Variants in ADAMTS6 observed in about 807,000 individuals in gnomAD.
ADAMTS6 encodes A disintegrin and metalloproteinase with thrombospondin motifs 6.
In ADAMTS6, 23 loss-of-function variants were observed where a neutral mutation model predicts 144.3. The observed-to-expected ratio is 0.16, with a 90% CI of 0.11 to 0.23. The LOEUF (loss-of-function observed/expected upper bound fraction) is 0.23, where lower values mean the gene tolerates loss of function less well. Among genes scored for constraint, ADAMTS6 ranks in the 10% least tolerant of loss-of-function variants. The pLI, the probability that ADAMTS6 is intolerant of heterozygous loss-of-function variation, is 1.00. For synonymous variants in ADAMTS6, 444 were observed against 457.5 expected, an observed-to-expected ratio of 0.97 and a Z score of 0.38; for missense variants, 999 against 1,379.6, an observed-to-expected ratio of 0.72 and a Z score of 4.37.
intron 7 of ADAMTS6, among the ~76,000 whole-genome samples, chr5:65,335,264 G>C (rs558659482): frequency 2.0e-5 from 3 of 152,080 alleles, no homozygotes; most frequent in South Asian, 4.2e-4. Flanking sequence ...TTTTCCTCTT[G>C]CATAAACTTC....
intron 11 of ADAMTS6, among the ~76,000 whole-genome samples, chr5:65,288,379 GCAC>G (rs1741924141): frequency 1.3e-5 from 2 of 150,518 alleles, no homozygotes; most frequent in African/African-American, 4.9e-5. Flanking sequence ...GAGTGCAGTG[GCAC>G]TATCTCGGCT....
chr5:65,328,127 C>T (rs1056299556), intron 9 of ADAMTS6, among the ~76,000 whole-genome samples: 11 of 151,956 alleles, frequency 7.2e-5, no homozygotes, highest in Non-Finnish European at 1.5e-4. Context: ...TGAATCAAGC[C>T]GGGTTTGAAA....
rs912112572 is a variant in ADAMTS6 at position 65,277,957 on chromosome 5, A to C, written c.1513-4510T>G. 9.9e-5 allele frequency among the ~76,000 whole-genome samples: 15 copies of C among 152,200 alleles called. No individual in the cohort carries two copies. The East Asian group carries it at 2.1e-3, about 22-fold the overall frequency. ...CACCTGAGTAGTGTACACTGTAACT[A>C]ATATGTAGTTTACCTCTAGACCCCT... is the stretch of plus-strand genomic sequence containing the variant. On this transcript the variant is annotated intron_variant, in intron 11 of 24. Coordinates refer to ENST00000381055, the MANE Select transcript of ADAMTS6 (RefSeq NM_197941.4).
At position 65,315,814 on chromosome 5, in the gene ADAMTS6, G is replaced by A. The variant is rs140079744; in HGVS notation, c.1223+13564C>T. On this transcript the variant is annotated intron_variant, in intron 9 of 24. Coordinates refer to ENST00000381055, the MANE Select transcript of ADAMTS6 (RefSeq NM_197941.4). Reference sequence around the variant, plus strand: ...AAGAAGAAGAAAAAAAATTCTTAGTGTGTATGCACCTAACAACCAAGTGTA... The same window carrying A: ...AAGAAGAAGAAAAAAAATTCTTAGTATGTATGCACCTAACAACCAAGTGTA... Among the ~76,000 whole-genome samples, 360 of 152,308 alleles carry A rather than the reference G, an allele frequency of 2.4e-3. 1 individual carries two copies. Among genetic ancestry groups the A allele is most frequent in the African/African-American group, 8.3e-3 (344 of 41,536 alleles).
chr5:65,353,837 A>C (rs1749075182), intron 7 of ADAMTS6, among the ~76,000 whole-genome samples: 1 of 151,920 alleles, frequency 6.6e-6, no homozygotes, highest in South Asian at 2.1e-4. Context: ...ACTTTAGTGA[A>C]TATTGACACT....
At chr5:65,384,652 C>T (rs1403326348) in intron 7 of ADAMTS6, among the ~76,000 whole-genome samples, 1 of 152,202 alleles carries the variant, frequency 6.6e-6, no homozygotes, top group African/African-American at 2.4e-5. Context: ...CAGCTCTCCT[C>T]TTCTCCTGAG....
chr5:65,390,667 A>G (rs1752838177), intron 7 of ADAMTS6, among the ~76,000 whole-genome samples: 1 of 152,224 alleles, frequency 6.6e-6, no homozygotes, highest in Admixed American at 6.5e-5. Flanking sequence ...AATAACAGAA[A>G]TAATAAATTA....
chr5:65,322,268 T>C (rs1038827713), intron 9 of ADAMTS6, among the ~76,000 whole-genome samples: 11 of 152,218 alleles, frequency 7.2e-5, no homozygotes, highest in Non-Finnish European at 1.6e-4. Context: ...TTGGTTACTG[T>C]AGCCCTGTAG....
intron 3 of ADAMTS6, among the ~76,000 whole-genome samples, chr5:65,466,920 T>C (rs1477637211): frequency 1.3e-5 from 2 of 151,848 alleles, no homozygotes; most frequent in African/African-American, 4.8e-5. Flanking sequence ...CGGGAGCCTG[T>C]AGTCCCAGCT....
chr5:65,452,266 G>T, intron 5 of ADAMTS6, 50 bp from the exon 6 acceptor site: 1 of 1,545,552 alleles, frequency 6.5e-7, no homozygotes, highest in Non-Finnish European at 8.9e-7. Flanking sequence ...AAAATTATAG[G>T]GTGATAGTTT....
chr5:65,263,091 A>AGAGAACTATCTGTCT, intron 12 of ADAMTS6, 129 bp from the exon 13 acceptor site: 2 of 1,176,112 alleles, frequency 1.7e-6, no homozygotes, highest in African/African-American at 1.5e-5. Flanking sequence ...ACAGACAGAT[A>AGAGAACTATCTGTCT]GTTCTCTAAC....
rs184399362 is a variant in ADAMTS6 at position 65,212,394 on chromosome 5, A to C, written c.2575+2400T>G. Among the ~76,000 whole-genome samples, 428 of 149,692 alleles carry C rather than the reference A, an allele frequency of 2.9e-3. 2 individuals carry two copies. Among genetic ancestry groups the C allele is most frequent in the African/African-American group, 9.9e-3 (404 of 40,842 alleles). On this transcript the variant is annotated intron_variant, in intron 20 of 24. Coordinates refer to ENST00000381055, the MANE Select transcript of ADAMTS6 (RefSeq NM_197941.4). ...GAAGAATAAATAACAAGGAAGAGAA[A>C]GCTCTCCCTTCCAGAGGCTTTTCTC...
At chr5:65,347,058 T>C (rs1461940517) in intron 7 of ADAMTS6, among the ~76,000 whole-genome samples, 2 of 151,404 alleles carry the variant, frequency 1.3e-5, no homozygotes, top group Admixed American at 1.3e-4. Flanking sequence ...CATAAATAAA[T>C]GGAAAGATAG....
rs183918664 is a variant in ADAMTS6, at chr5:65,405,395, A to C, written c.1073+46080T>G. On this transcript the variant is annotated intron_variant, in intron 7 of 24. Transcript: ENST00000381055. ...CCAGTTTTCCCAGCACCATTTACTA[A>C]ATAGGGAATCCTTTCCCCATTGCTT... Among the ~76,000 whole-genome samples the C allele has an allele frequency of 5.4e-3, 817 of 152,314 alleles. 9 individuals carry two copies. Among genetic ancestry groups the C allele is most frequent in the African/African-American group, 0.019 (775 of 41,574 alleles).
intron 23 of ADAMTS6, among the ~76,000 whole-genome samples, chr5:65,171,262 G>C (rs1436226829): frequency 6.6e-6 from 1 of 152,128 alleles, no homozygotes; most frequent in African/African-American, 2.4e-5. Context: ...GCCCGCCTCA[G>C]CCTCCCAAAA....
chr5:65,240,845 T>C (rs572268498), intron 15 of ADAMTS6, among the ~76,000 whole-genome samples: 2 of 152,292 alleles, frequency 1.3e-5, no homozygotes, highest in Non-Finnish European at 2.9e-5. Flanking sequence ...GTAAAGCCAA[T>C]GTTCTGTATC....
chr5:65,402,465 A>G lies in ADAMTS6; in HGVS notation c.1073+49010T>C, dbSNP rs540525450. ...TCACTAGGGACTTTCTCCTACTTTC[A>G]TCAATGATTACTTCATACTTCTTCT... On this transcript the variant is annotated intron_variant, in intron 7 of 24. Transcript: ENST00000381055. Among the ~76,000 whole-genome samples the G allele has an allele frequency of 2.6e-5, 4 of 152,244 alleles. No individual in the cohort carries two copies. In the South Asian group the frequency reaches 8.3e-4, roughly 32 times the overall value.
intron 7 of ADAMTS6, among the ~76,000 whole-genome samples, chr5:65,394,863 AT>A (rs1561496861): frequency 6.6e-6 from 1 of 152,080 alleles, no homozygotes; most frequent in Non-Finnish European, 1.5e-5. Flanking sequence ...TAGTAATAAT[AT>A]TATATATAGT....
intron 17 of ADAMTS6, 32 bp downstream of exon 17, chr5:65,224,892 G>T: frequency 6.3e-7 from 1 of 1,590,506 alleles, no homozygotes; most frequent in South Asian, 1.2e-5. Flanking sequence ...GTACACCAGA[G>T]GTGTGAGGAA....
Sources: gnomAD v4.1 joint callset for allele counts (sites outside exome capture counted in the v4.1 genomes callset) on GRCh38, gnomAD v4.1.1 for gene constraint, MANE v1.5 for transcripts, NCBI Gene and HGNC (gene_info 2026-07-23, HGNC 2026-07-21) for gene names.